The following FBXO36 variants were observed in gnomAD, a reference collection of about 807,000 sequenced individuals.
FBXO36 encodes F-box only protein 36.
A neutral mutation model predicts 17.0 loss-of-function variants in FBXO36; 18 were observed. The ratio of observed to expected loss-of-function variants is 1.06; its 90% CI spans 0.73 to 1.57. FBXO36 has a LOEUF of 1.57. Among genes scored for constraint, FBXO36 ranks in the 40% most tolerant of loss-of-function variants. The pLI, the probability that FBXO36 is intolerant of heterozygous loss-of-function variation, is 0.00. For synonymous variants in FBXO36, 83 were observed against 85.3 expected (o/e 0.97, Z 0.15); for missense variants, 229 against 221.9 (o/e 1.03, Z -0.20).
At chr2:229,941,690 T>C (rs912770050) in intron 1 of FBXO36, among the ~76,000 whole-genome samples, 5 of 151,918 alleles carry the variant, frequency 3.3e-5, no homozygotes, top group Non-Finnish European at 7.4e-5. Context: ...GCAAGTTGCC[T>C]CTCCACAATT....
At chr2:229,985,504 T>A (rs2077263829) in intron 2 of FBXO36, among the ~76,000 whole-genome samples, 1 of 152,164 alleles carries the variant, frequency 6.6e-6, no homozygotes, top group Non-Finnish European at 1.5e-5. Flanking sequence ...CCCTCCTTGC[T>A]GCCCTCTCTG....
chr2:229,993,917 G>A (rs1407285617), intron 2 of FBXO36, among the ~76,000 whole-genome samples: 4 of 151,858 alleles, frequency 2.6e-5, no homozygotes, highest in Admixed American at 6.6e-5. Context: ...CACCACGCCC[G>A]GCTAATTTTT....
chr2:229,987,430 C>T (rs1442083250), intron 2 of FBXO36, among the ~76,000 whole-genome samples: 1 of 151,884 alleles, frequency 6.6e-6, no homozygotes. Context: ...CTTAATTAAT[C>T]TTGCCAGGGG....
chr2:229,967,803 A>G (rs1012252300), intron 1 of FBXO36, among the ~76,000 whole-genome samples: 4 of 152,206 alleles, frequency 2.6e-5, no homozygotes, highest in Non-Finnish European at 5.9e-5. Flanking sequence ...GGACTTTTGC[A>G]TTGATGTTCA....
chr2:229,945,351 G>A (rs553079212), intron 1 of FBXO36, among the ~76,000 whole-genome samples: 1 of 152,208 alleles, frequency 6.6e-6, no homozygotes, highest in South Asian at 2.1e-4. Flanking sequence ...CTGTCACCCA[G>A]GCTGGAGTGC....
Position 230,010,899 on chromosome 2 carries a change from A to T in FBXO36, c.*15A>T, listed in dbSNP as rs1332946405. 24 of 1,592,536 alleles carry T rather than the reference A, an allele frequency of 1.5e-5. No homozygotes were observed. The highest frequency in any genetic ancestry group is 2.1e-5 in the Non-Finnish European group (24 of 1,167,188). ...AGCAACCTTAGGCACACATTTTCCT[A>T]CCAGCAGGGAGCTCAGGCATGGCTG... On this transcript the variant is annotated 3_prime_UTR_variant, in exon 4 of 4. Coordinates refer to ENST00000283946, the MANE Select transcript of FBXO36 (RefSeq NM_174899.5).
At chr2:229,971,991 CTT>C (rs918029152) in intron 1 of FBXO36, among the ~76,000 whole-genome samples, 13 of 104,038 alleles carry the variant, frequency 1.2e-4, no homozygotes, top group Non-Finnish European at 1.4e-4. Context: ...GTATCCAATT[CTT>C]TTTTTTTTTT....
At chr2:229,929,729 C>T (rs1461230075) in intron 1 of FBXO36, among the ~76,000 whole-genome samples, 1 of 145,856 alleles carries the variant, frequency 6.9e-6, no homozygotes, top group Non-Finnish European at 1.5e-5. Flanking sequence ...AATGGTGGCG[C>T]ACGCCTGTAG....
At chr2:229,975,288 C>T (rs1053113927) in intron 1 of FBXO36, among the ~76,000 whole-genome samples, 5 of 152,032 alleles carry the variant, frequency 3.3e-5, no homozygotes, top group African/African-American at 1.2e-4. Context: ...GTAACTGTTG[C>T]TCTCTGTGGG....
At chr2:229,967,239 CTT>C (rs1189855862) in intron 1 of FBXO36, among the ~76,000 whole-genome samples, 1 of 152,162 alleles carries the variant, frequency 6.6e-6, no homozygotes, top group African/African-American at 2.4e-5. Context: ...TATCCTGAGA[CTT>C]TGCTGAAGTT....
intron 1 of FBXO36, among the ~76,000 whole-genome samples, chr2:229,962,426 A>T (rs1303787202): frequency 6.6e-6 from 1 of 151,074 alleles, no homozygotes; most frequent in Non-Finnish European, 1.5e-5. Flanking sequence ...AAACTCTTGG[A>T]CTAACGCAAT....
intron 1 of FBXO36, among the ~76,000 whole-genome samples, chr2:229,960,317 A>G (rs1456812319): frequency 2.6e-5 from 4 of 151,996 alleles, no homozygotes; most frequent in Non-Finnish European, 5.9e-5. Flanking sequence ...AGCTGGGACT[A>G]CATACAGGCC....
intron 3 of FBXO36, among the ~76,000 whole-genome samples, chr2:230,007,941 C>G (rs1420744485): frequency 6.6e-6 from 1 of 152,138 alleles, no homozygotes; most frequent in African/African-American, 2.4e-5. Flanking sequence ...GTCGGTCTGG[C>G]TGGTCTCAAA....
At chr2:229,998,329 G>A (rs568492567) in intron 3 of FBXO36, among the ~76,000 whole-genome samples, 58 of 151,934 alleles carry the variant, frequency 3.8e-4, no homozygotes, top group African/African-American at 1.4e-3. Context: ...TAAAAAATTA[G>A]CTGAGTGTTA....
intron 1 of FBXO36, among the ~76,000 whole-genome samples, chr2:229,972,355 C>T (rs2077185184): frequency 6.6e-6 from 1 of 151,850 alleles, no homozygotes; most frequent in African/African-American, 2.4e-5. Context: ...ATACCAGGTC[C>T]GACTGAAAGC....
intron 2 of FBXO36, among the ~76,000 whole-genome samples, chr2:229,995,834 C>T (rs1194246582): frequency 2.0e-5 from 3 of 151,644 alleles, no homozygotes; most frequent in African/African-American, 7.3e-5. Context: ...TCAGGTGATC[C>T]GCCTGCCTTG....
chr2:229,937,321 C>T (rs995037519), intron 1 of FBXO36, among the ~76,000 whole-genome samples: 1 of 151,840 alleles, frequency 6.6e-6, no homozygotes, highest in Admixed American at 6.6e-5. Flanking sequence ...ATGATGAAAC[C>T]CCATCTCTAC....
At chr2:230,005,316 G>A (rs921496678) in intron 3 of FBXO36, among the ~76,000 whole-genome samples, 5 of 152,084 alleles carry the variant, frequency 3.3e-5, no homozygotes, top group African/African-American at 9.7e-5. Flanking sequence ...TGCCTTAGCT[G>A]GTCTCGAATC....
At chr2:229,951,037 G>A (rs924991053) in intron 1 of FBXO36, among the ~76,000 whole-genome samples, 4 of 152,058 alleles carry the variant, frequency 2.6e-5, no homozygotes, top group South Asian at 2.1e-4. Flanking sequence ...GGGTTCAAGC[G>A]ATTCTCCTGC....
Sources: gnomAD v4.1 joint callset for allele counts (sites outside exome capture counted in the v4.1 genomes callset) on GRCh38, gnomAD v4.1.1 for gene constraint, MANE v1.5 for transcripts, NCBI Gene and HGNC (gene_info 2026-07-23, HGNC 2026-07-21) for gene names.